The following MDGA2 variants were observed in gnomAD, a reference collection of about 807,000 sequenced individuals.
The protein encoded by MDGA2 is MAM domain containing glycosylphosphatidylinositol anchor 2.
MDGA2 carries 40 observed loss-of-function variants against 117.8 expected under a neutral mutation model. The observed-to-expected ratio is 0.34, with a 90% confidence interval of 0.26 to 0.44. MDGA2 has a LOEUF of 0.44. Ranked by LOEUF, MDGA2 falls within the 20% of genes least tolerant of loss-of-function variation. The pLI is 1.00. For missense variants in MDGA2, 1,123 were observed against 1,250.6 expected (o/e 0.90, Z 1.54); for synonymous variants, 452 against 439.0 (o/e 1.03, Z -0.37).
In MDGA2 at chr14:47,575,299, T is replaced by C. The variant is rs1484810527; in HGVS notation, c.280+99218A>G. On this transcript the variant is annotated intron_variant, in intron 1 of 16. Coordinates refer to ENST00000399232, the MANE Select transcript of MDGA2 (RefSeq NM_001113498.3). The stretch of plus-strand genomic sequence containing the variant: ...AATTTCCTTTTAAATACTGATGATA[T>C]GATTTTCATCATTTTAATGAACAGC... Among the ~76,000 whole-genome samples the C allele has an allele frequency of 2.6e-5, 4 of 152,230 alleles. No homozygotes were observed. The East Asian group carries it at 7.7e-4, about 29-fold the overall frequency.
chr14:47,131,646 A>G (rs1882208390), intron 5 of MDGA2, 68 bp downstream of exon 5: 1 of 1,271,766 alleles, frequency 7.9e-7, no homozygotes, highest in African/African-American at 1.5e-5. Context: ...TCTTTAAAAA[A>G]GTTAAAGAGA....
rs548461041 is a variant in MDGA2 at position 47,035,387 on chromosome 14, A to G, written c.1526-83T>C. On this transcript the variant is annotated intron_variant, in intron 7 of 16. Coordinates refer to ENST00000399232, the MANE Select transcript of MDGA2 (RefSeq NM_001113498.3). ...AGATACAGAAAATCATAAGGAAACA[A>G]TTTCTGCTGGCTGAAGAAATGTGAC... The G allele has an allele frequency of 4.5e-6, 5 of 1,114,828 alleles. No individual in the cohort carries two copies. The African/African-American group carries it at 7.8e-5, about 17-fold the overall frequency. The allele number at this position is 1,114,828 out of a possible 1,614,324, so 69.1% of individuals were successfully genotyped here.
At chr14:47,348,834 G>T (rs1381903000) in intron 1 of MDGA2, among the ~76,000 whole-genome samples, 1 of 152,122 alleles carries the variant, frequency 6.6e-6, no homozygotes, top group Non-Finnish European at 1.5e-5. Context: ...CTGAATTTTT[G>T]AGTAGAAGAG....
chr14:47,372,885 G>A (rs1424481816), intron 1 of MDGA2, among the ~76,000 whole-genome samples: 2 of 151,884 alleles, frequency 1.3e-5, no homozygotes, highest in African/African-American at 2.4e-5. Flanking sequence ...GGAATGCTGT[G>A]TCACTAGGAA....
Position 47,577,184 on chromosome 14 carries a change from G to T in MDGA2, c.280+97333C>A, listed in dbSNP as rs755603883. Among the ~76,000 whole-genome samples the T allele has an allele frequency of 2.0e-5, 3 of 152,118 alleles. No individual in the cohort carries two copies. The East Asian group carries it at 5.8e-4, about 29-fold the overall frequency. Reference sequence around the variant, plus strand: ...ATAAGCTGCTTGACAATGGGGAAAGGATTCCCTATTTAATAAATGGTGCTG... The same window carrying T: ...ATAAGCTGCTTGACAATGGGGAAAGTATTCCCTATTTAATAAATGGTGCTG... On this transcript the variant is annotated intron_variant, in intron 1 of 16. Transcript: ENST00000399232.
At chr14:47,127,777 C>A (rs2139132686) in intron 5 of MDGA2, among the ~76,000 whole-genome samples, 1 of 152,108 alleles carries the variant, frequency 6.6e-6, no homozygotes, top group East Asian at 1.9e-4. Context: ...AACAGGTATT[C>A]AAAGACTGTT....
At chr14:47,343,462 C>T (rs1414208843) in intron 1 of MDGA2, among the ~76,000 whole-genome samples, 2 of 152,112 alleles carry the variant, frequency 1.3e-5, no homozygotes, top group Non-Finnish European at 2.9e-5. Flanking sequence ...CATGTATAGG[C>T]AGCCATTCCA....
chr14:47,052,169 T>C (rs893716299), intron 7 of MDGA2, among the ~76,000 whole-genome samples: 1 of 151,914 alleles, frequency 6.6e-6, no homozygotes, highest in Non-Finnish European at 1.5e-5. Flanking sequence ...TGGAGAATTT[T>C]ATATCCAGTC....
intron 5 of MDGA2, among the ~76,000 whole-genome samples, chr14:47,103,039 G>A (rs1276615583): frequency 6.6e-6 from 1 of 152,134 alleles, no homozygotes; most frequent in African/African-American, 2.4e-5. Context: ...TATCAATCAA[G>A]ATATGGGTGA....
chr14:46,972,364 C>A (rs1003327475), intron 8 of MDGA2, among the ~76,000 whole-genome samples: 2 of 152,060 alleles, frequency 1.3e-5, no homozygotes, highest in Admixed American at 1.3e-4. Context: ...ATATGGAAAT[C>A]ATCTACTTGA....
intron 7 of MDGA2, among the ~76,000 whole-genome samples, chr14:47,056,652 G>A (rs927222979): frequency 6.6e-6 from 1 of 152,130 alleles, no homozygotes; most frequent in African/African-American, 2.4e-5. Flanking sequence ...CTACAAGTTT[G>A]TCAAGTCATG....
intron 1 of MDGA2, among the ~76,000 whole-genome samples, chr14:47,582,488 G>A (rs1428014494): frequency 4.0e-5 from 6 of 151,714 alleles, no homozygotes; most frequent in Admixed American, 3.3e-4. Flanking sequence ...TTCAGTGTAC[G>A]GACTTTTTGG....
At chr14:47,239,878 C>T (rs1394170136) in intron 2 of MDGA2, among the ~76,000 whole-genome samples, 1 of 151,700 alleles carries the variant, frequency 6.6e-6, no homozygotes, top group Non-Finnish European at 1.5e-5. Context: ...TTTAGGCATA[C>T]ATTTTTTTCC....
At chr14:46,939,562 T>TA (rs1884918858) in intron 9 of MDGA2, among the ~76,000 whole-genome samples, 1 of 152,194 alleles carries the variant, frequency 6.6e-6, no homozygotes, top group African/African-American at 2.4e-5. Context: ...TAATCTTTGA[T>TA]AAAACAATTA....
At chr14:47,139,320 C>A (rs1334309606) in intron 4 of MDGA2, among the ~76,000 whole-genome samples, 3 of 152,058 alleles carry the variant, frequency 2.0e-5, no homozygotes, top group Non-Finnish European at 4.4e-5. Flanking sequence ...CATTGTCTTT[C>A]TTCTGCATTA....
intron 1 of MDGA2, among the ~76,000 whole-genome samples, chr14:47,370,526 T>TGTGTGTGTGTG (rs58683887): frequency 7.4e-6 from 1 of 135,960 alleles, no homozygotes; most frequent in African/African-American, 2.7e-5. Context: ...TGTGTGTGTG[T>TGTGTGTGTGTG]TTAAGATTTT....
Position 47,605,638 on chromosome 14 carries a change from G to A in MDGA2, c.280+68879C>T, listed in dbSNP as rs546343482. ...AGTGTTATAGATAAGCTTTATAATG[G>A]TTACAATGAAAAAAAAAAGATTAAT... On this transcript the variant is annotated intron_variant, in intron 1 of 16. Transcript: ENST00000399232. 3.3e-5 allele frequency among the ~76,000 whole-genome samples: 5 copies of A among 151,626 alleles called. No individual in the cohort carries two copies. In the South Asian group the frequency reaches 6.3e-4, roughly 19 times the overall value.
intron 3 of MDGA2, among the ~76,000 whole-genome samples, chr14:47,165,601 G>A (rs1018763102): frequency 3.3e-5 from 5 of 152,090 alleles, no homozygotes; most frequent in African/African-American, 4.8e-5. Flanking sequence ...TGGAACTCTC[G>A]AAGGACCCTC....
chr14:47,043,517 G>T (rs1889150831), intron 7 of MDGA2, among the ~76,000 whole-genome samples: 1 of 151,886 alleles, frequency 6.6e-6, no homozygotes, highest in South Asian at 2.1e-4. Context: ...CCTTTTAAAT[G>T]AATTACTAAG....
Sources: gnomAD v4.1 joint callset for allele counts (sites outside exome capture counted in the v4.1 genomes callset) on GRCh38, gnomAD v4.1.1 for gene constraint, MANE v1.5 for transcripts, NCBI Gene and HGNC (gene_info 2026-07-23, HGNC 2026-07-21) for gene names.